KANSL1: variants seen among roughly 807,000 people sequenced by gnomAD.
KANSL1 encodes KAT8 regulatory NSL complex subunit 1, also known as MLL1/MLL complex subunit KANSL1.
KANSL1 carries 22 observed loss-of-function variants against 103.6 expected under a neutral mutation model. The observed-to-expected ratio is 0.21, with a 90% CI of 0.15 to 0.30. The LOEUF is 0.30. Among genes scored for constraint, KANSL1 ranks in the 10% least tolerant of loss-of-function variants. KANSL1 has a pLI of 1.00. For synonymous variants in KANSL1, 600 were observed against 527.6 expected, an observed-to-expected ratio of 1.14 and a Z score of -1.88; for missense variants, 1,337 against 1,399.8, an observed-to-expected ratio of 0.96 and a Z score of 0.72.
At chr17:46,211,502 G>A (rs551670375) in intron 1 of KANSL1, among the ~76,000 whole-genome samples, 11 of 152,336 alleles carry the variant, frequency 7.2e-5, no homozygotes, top group Non-Finnish European at 1.5e-4. Context: ...GCCATGGGTC[G>A]GACAAGCTTG....
At chr17:46,220,295 T>C (rs2048487398) in intron 1 of KANSL1, among the ~76,000 whole-genome samples, 1 of 151,562 alleles carries the variant, frequency 6.6e-6, no homozygotes, top group Non-Finnish European at 1.5e-5. Flanking sequence ...CGGCTCACTG[T>C]AAACTCCGCC....
intron 2 of KANSL1, among the ~76,000 whole-genome samples, chr17:46,147,124 C>A (rs2044751734): frequency 6.6e-6 from 1 of 152,158 alleles, no homozygotes; most frequent in Non-Finnish European, 1.5e-5. Context: ...TGTTTCAAAT[C>A]AGAATGACCT....
At chr17:46,080,581 A>C (rs1177293442) in intron 4 of KANSL1, among the ~76,000 whole-genome samples, 2 of 152,182 alleles carry the variant, frequency 1.3e-5, no homozygotes, top group Non-Finnish European at 2.9e-5. Flanking sequence ...CTGGCAATTG[A>C]CATACGCACA....
intron 1 of KANSL1, among the ~76,000 whole-genome samples, chr17:46,179,514 A>C (rs1218155902): frequency 6.6e-6 from 1 of 152,242 alleles, no homozygotes; most frequent in Non-Finnish European, 1.5e-5. Flanking sequence ...AAGTTTGCCC[A>C]TAATGTGGCT....
At chr17:46,056,888 G>A (rs1026804267) in intron 6 of KANSL1, among the ~76,000 whole-genome samples, 5 of 152,176 alleles carry the variant, frequency 3.3e-5, no homozygotes, top group Admixed American at 3.3e-4. Flanking sequence ...ATATCTAGCA[G>A]CATCTCTGTC....
chr17:46,135,705 T>C, intron 2 of KANSL1, among the ~76,000 whole-genome samples: 1 of 144,050 alleles, frequency 6.9e-6, no homozygotes, highest in African/African-American at 2.6e-5. Context: ...CTTTTTTTTT[T>C]TTTTTTTTTT....
Position 46,168,976 on chromosome 17 carries a change from G to C in KANSL1, c.1289+1879C>G, listed in dbSNP as rs918509498. Among the ~76,000 whole-genome samples, 5 of 152,146 alleles carry C rather than the reference G, an allele frequency of 3.3e-5. No homozygotes were observed. The East Asian group carries it at 9.6e-4, about 29-fold the overall frequency. ...TACTTTTATTTCATTGGTTTGTAAC[G>C]CTTACCTACAACAGTACCAAAACTC... On this transcript the variant is annotated intron_variant, in intron 2 of 14. Coordinates refer to ENST00000432791, the MANE Select transcript of KANSL1 (RefSeq NM_015443.4).
chr17:46,114,460 C>T (rs2042957125), intron 2 of KANSL1, among the ~76,000 whole-genome samples: 1 of 152,190 alleles, frequency 6.6e-6, no homozygotes, highest in Admixed American at 6.5e-5. Context: ...TAAAGATTCC[C>T]TAACATGCAG....
At chr17:46,098,953 T>C (rs1370183613) in intron 2 of KANSL1, among the ~76,000 whole-genome samples, 1 of 152,206 alleles carries the variant, frequency 6.6e-6, no homozygotes, top group Non-Finnish European at 1.5e-5. Context: ...ATGAAGATGT[T>C]ACCATACTCC....
intron 6 of KANSL1, 96 bp from the exon 7 acceptor site, chr17:46,050,800 C>T: frequency 9.2e-7 from 1 of 1,086,372 alleles, no homozygotes; most frequent in Non-Finnish European, 1.3e-6. Context: ...AGTTAGCTCC[C>T]CATTTGTTAT....
chr17:46,165,457 C>G (rs2045948282), intron 2 of KANSL1, among the ~76,000 whole-genome samples: 2 of 152,132 alleles, frequency 1.3e-5, no homozygotes, highest in Admixed American at 1.3e-4. Context: ...TGGTCTCAAT[C>G]TCCTGAACTC....
intron 12 of KANSL1, 29 bp downstream of exon 12, chr17:46,033,374 T>C: frequency 6.2e-7 from 1 of 1,608,620 alleles, no homozygotes; most frequent in South Asian, 1.1e-5. Context: ...TACACACGTG[T>C]TCTTCTAACA....
intron 1 of KANSL1, among the ~76,000 whole-genome samples, chr17:46,208,039 A>C (rs2048030647): frequency 6.6e-6 from 1 of 152,024 alleles, no homozygotes; most frequent in Non-Finnish European, 1.5e-5. Context: ...TGAACCTAGG[A>C]GGCGGAGGTT....
intron 1 of KANSL1, among the ~76,000 whole-genome samples, chr17:46,178,279 A>C (rs1183224481): frequency 6.6e-6 from 1 of 152,272 alleles, no homozygotes. Flanking sequence ...CACAAACAGC[A>C]CAACAGCCTA....
At chr17:46,193,732 G>A (rs1448366461), upstream of KANSL1, 5 of 246,414 alleles carry the variant, frequency 2.0e-5, no homozygotes, top group Non-Finnish European at 3.4e-5. Context: ...CCCTCGCTGC[G>A]GCCGAGGTGA....
At chr17:46,045,871 T>C (rs1253146784) in intron 7 of KANSL1, 1 of 152,358 alleles carries the variant, frequency 6.6e-6, no homozygotes, top group African/African-American at 2.4e-5. Flanking sequence ...GTAATGCTGT[T>C]GACAAAGAAA....
At chr17:46,032,935 G>A (rs1367050800) in intron 13 of KANSL1, 145 bp downstream of exon 13, 7 of 635,656 alleles carry the variant, frequency 1.1e-5, no homozygotes, top group Non-Finnish European at 1.3e-5. Flanking sequence ...AAACACCAAG[G>A]AAATTCTGAG....
intron 2 of KANSL1, among the ~76,000 whole-genome samples, chr17:46,130,187 C>CAAAAAAAAAAA (rs35017603): frequency 8.0e-5 from 6 of 75,456 alleles, no homozygotes; most frequent in Admixed American, 1.4e-4. Context: ...ATCCTGTCTC[C>CAAAAAAAAAAA]AAAAAAAAAA....
intron 6 of KANSL1, among the ~76,000 whole-genome samples, chr17:46,062,420 G>A (rs1426514216): frequency 6.9e-6 from 1 of 145,870 alleles, no homozygotes; most frequent in Non-Finnish European, 1.5e-5. Flanking sequence ...GTGCTGTGGC[G>A]AGATCTCAGC....
Sources: allele counts gnomAD v4.1 joint callset (sites outside exome capture counted in the v4.1 genomes callset), GRCh38; gene constraint gnomAD v4.1.1; transcripts MANE v1.5; gene names NCBI Gene and HGNC (gene_info 2026-07-23, HGNC 2026-07-21).